ZNF366: variants seen among roughly 807,000 people sequenced by gnomAD.
ZNF366 encodes zinc finger protein 366.
ZNF366 carries 20 observed loss-of-function variants against 47.2 expected under a neutral mutation model. That is an observed-to-expected ratio of 0.42 (90% confidence interval 0.30 to 0.62). The LOEUF (loss-of-function observed/expected upper bound fraction) is 0.62, where lower values mean the gene tolerates loss of function less well. Ranked by LOEUF, ZNF366 falls within the 20% of genes least tolerant of loss-of-function variation. The probability of loss-of-function intolerance (pLI) is 0.16; values close to 1 mark genes in which losing one functional copy is unlikely to be tolerated. For synonymous variants in ZNF366, 421 were observed against 395.1 expected (o/e 1.07, Z -0.78); for missense variants, 987 against 976.3 (o/e 1.01, Z -0.15).
At chr5:72,449,195 G>A (rs1239686982) in intron 3 of ZNF366, among the ~76,000 whole-genome samples, 1 of 151,714 alleles carries the variant, frequency 6.6e-6, no homozygotes, top group Non-Finnish European at 1.5e-5. Context: ...AGTTCTATTA[G>A]AGTTGTATTT....
chr5:72,493,195 G>A lies in ZNF366; in HGVS notation c.-15+14056C>T, dbSNP rs186772019. ...AAAATGTCTATTGAGCCCCAACTAC[G>A]TGTCAAAAACAGTCTCAAGTATTCA... On this transcript the variant is annotated intron_variant, in intron 1 of 4. Coordinates refer to ENST00000318442, the MANE Select transcript of ZNF366 (RefSeq NM_152625.3). Among the ~76,000 whole-genome samples the A allele has an allele frequency of 2.1e-3, 314 of 152,256 alleles. 2 individuals are homozygous for A. The highest frequency in any genetic ancestry group is 1.1e-3 in the Non-Finnish European group (78 of 68,018).
At chr5:72,505,298 C>G (rs946077164) in intron 1 of ZNF366, among the ~76,000 whole-genome samples, 1 of 152,166 alleles carries the variant, frequency 6.6e-6, no homozygotes, top group Non-Finnish European at 1.5e-5. Context: ...TGAAACTAGT[C>G]GATGGCTTTT....
chr5:72,468,290 C>T (rs1580242194), intron 1 of ZNF366, among the ~76,000 whole-genome samples: 1 of 152,174 alleles, frequency 6.6e-6, no homozygotes, highest in East Asian at 1.9e-4. Context: ...CGATACTGGG[C>T]CAGGCCCCAG....
At chr5:72,453,297 G>A (rs868834815) in intron 3 of ZNF366, among the ~76,000 whole-genome samples, 3 of 152,196 alleles carry the variant, frequency 2.0e-5, no homozygotes, top group Admixed American at 6.5e-5. Flanking sequence ...GAGAGAGAAC[G>A]AAGACTGCCT....
At chr5:72,481,987 G>C (rs1743797539) in intron 1 of ZNF366, among the ~76,000 whole-genome samples, 1 of 152,156 alleles carries the variant, frequency 6.6e-6, no homozygotes, top group South Asian at 2.1e-4. Flanking sequence ...TAAAGTTCTA[G>C]AGTCCAAGTG....
chr5:72,491,230 A>G (rs1235195720), intron 1 of ZNF366, among the ~76,000 whole-genome samples: 2 of 152,260 alleles, frequency 1.3e-5, no homozygotes, highest in East Asian at 1.9e-4. Flanking sequence ...GTACGTGGCC[A>G]AAGACACATC....
chr5:72,486,039 CTGACT>C (rs1296961147), intron 1 of ZNF366, among the ~76,000 whole-genome samples: 1 of 152,214 alleles, frequency 6.6e-6, no homozygotes, highest in Non-Finnish European at 1.5e-5. Context: ...TCTCTCCTTC[CTGACT>C]TAATTTTTCT....
chr5:72,446,369 G>C (rs1348789127), intron 4 of ZNF366, among the ~76,000 whole-genome samples: 1 of 152,194 alleles, frequency 6.6e-6, no homozygotes, highest in East Asian at 1.9e-4. Flanking sequence ...AGACATCCTA[G>C]AGGGCAGATG....
intron 2 of ZNF366, among the ~76,000 whole-genome samples, chr5:72,457,073 C>G (rs950158072): frequency 3.3e-5 from 5 of 152,152 alleles, no homozygotes; most frequent in African/African-American, 1.2e-4. Flanking sequence ...CAACTTATAT[C>G]CACACTGCAG....
chr5:72,462,128 C>T (rs1743327606), intron 1 of ZNF366, among the ~76,000 whole-genome samples: 1 of 152,172 alleles, frequency 6.6e-6, no homozygotes, highest in South Asian at 2.1e-4. Flanking sequence ...TAACTCAGAT[C>T]TAATCGTTTC....
Position 72,462,547 on chromosome 5 carries a change from C to CTTTCTTTCTTTCTTTCTTTT in ZNF366, c.-14-1038_-14-1037insAAAAGAAAGAAAGAAAGAAA, listed in dbSNP as rs11275151. The stretch of plus-strand genomic sequence containing the variant: ...TCTTTCTTTCTTTCTTTCTTTCTTT[C>CTTTCTTTCTTTCTTTCTTTT]TTTTTTTTTTTTTTTGGAGATGGAG... On this transcript the variant is annotated intron_variant, in intron 1 of 4. Coordinates refer to ENST00000318442, the MANE Select transcript of ZNF366 (RefSeq NM_152625.3). Among the ~76,000 whole-genome samples the CTTTCTTTCTTTCTTTCTTTT allele has an allele frequency of 5.3e-4, 42 of 78,922 alleles. 1 individual carries two copies. Among genetic ancestry groups the CTTTCTTTCTTTCTTTCTTTT allele is most frequent in the African/African-American group, 2.3e-3 (39 of 16,750 alleles). The allele number at this position is 78,922 out of a possible 152,430, so 51.8% of individuals were successfully genotyped here.
At position 72,441,866 on chromosome 5, in the gene ZNF366, G is replaced by A. The variant is rs534612076; in HGVS notation, c.*1890C>T. The A allele has an allele frequency of 6.6e-6, 1 of 152,266 alleles. No individual in the cohort carries two copies. Among genetic ancestry groups the A allele is most frequent in the African/African-American group, 2.4e-5 (1 of 41,544 alleles). The allele number at this position is 152,266 out of a possible 1,614,324, so 9.4% of individuals were successfully genotyped here. ...TACATAAACAGACACAGTACCAGAG[G>A]GTTATTGCTATGGGCAGTCACACGT... On this transcript the variant is annotated 3_prime_UTR_variant, in exon 5 of 5. Transcript: ENST00000318442.
At chr5:72,459,364 C>G (rs1486057846) in intron 2 of ZNF366, among the ~76,000 whole-genome samples, 1 of 152,098 alleles carries the variant, frequency 6.6e-6, no homozygotes, top group African/African-American at 2.4e-5. Flanking sequence ...CTCGGAGGCT[C>G]AGAGCAGGTT....
At chr5:72,458,362 A>G (rs937364442) in intron 2 of ZNF366, among the ~76,000 whole-genome samples, 1 of 152,080 alleles carries the variant, frequency 6.6e-6, no homozygotes, top group Non-Finnish European at 1.5e-5. Flanking sequence ...GATCTGATCC[A>G]TTTGTCCTGA....
intron 1 of ZNF366, among the ~76,000 whole-genome samples, chr5:72,500,065 G>T (rs908498227): frequency 2.6e-5 from 4 of 152,206 alleles, no homozygotes; most frequent in Non-Finnish European, 2.9e-5. Context: ...TTTTCTCACT[G>T]GGAAGAGGGA....
intron 3 of ZNF366, among the ~76,000 whole-genome samples, chr5:72,453,451 T>G (rs764146314): frequency 6.6e-6 from 1 of 152,224 alleles, no homozygotes; most frequent in Non-Finnish European, 1.5e-5. Flanking sequence ...GGCTGTGAAC[T>G]GCATTGCAAT....
At chr5:72,506,598 C>T (rs1580258978) in intron 1 of ZNF366, among the ~76,000 whole-genome samples, 1 of 152,312 alleles carries the variant, frequency 6.6e-6, no homozygotes, top group East Asian at 1.9e-4. Flanking sequence ...AAAACCTTTG[C>T]CTTCTATCAT....
chr5:72,450,191 A>G (rs1021673145), intron 3 of ZNF366, among the ~76,000 whole-genome samples: 2 of 152,352 alleles, frequency 1.3e-5, no homozygotes, highest in Middle Eastern at 6.8e-3. Flanking sequence ...AGATATTTTC[A>G]GACACTTCAG....
At position 72,461,590 on chromosome 5, in the gene ZNF366, A is replaced by G; in HGVS notation, c.-14-80T>C. ...TTTTCCTTAAGGATTATGGCTATTT[A>G]TCAGTACTAATTTATGAAGAGTAGT... On this transcript the variant is annotated intron_variant, in intron 1 of 4. Transcript: ENST00000318442. 2.0e-6 allele frequency: 3 copies of G among 1,486,584 alleles called. No individual in the cohort carries two copies. The South Asian group carries it at 4.2e-5, about 21-fold the overall frequency. 92.1% of individuals were successfully genotyped at this position (1,486,584 alleles called of 1,614,324 possible). A position where few individuals can be genotyped will look rare whatever the true frequency, so the allele number is the denominator to read the frequency against.
Sources: allele counts gnomAD v4.1 joint callset (sites outside exome capture counted in the v4.1 genomes callset), GRCh38; gene constraint gnomAD v4.1.1; transcripts MANE v1.5; gene names NCBI Gene and HGNC (gene_info 2026-07-23, HGNC 2026-07-21).